The following AARD variants were observed in gnomAD, a reference collection of about 807,000 sequenced individuals.
AARD encodes alanine and arginine rich domain containing protein.
In AARD, 9 loss-of-function variants were observed where a neutral mutation model predicts 9.3. The observed-to-expected ratio is 0.97, with a 90% CI of 0.58 to 1.69. AARD has a LOEUF of 1.69. Among genes scored for constraint, AARD ranks in the 40% most tolerant of loss-of-function variants. The pLI, the probability that AARD is intolerant of heterozygous loss-of-function variation, is 0.00. For synonymous variants in AARD, 91 were observed against 93.8 expected (o/e 0.97, Z 0.17); for missense variants, 236 against 210.3 (o/e 1.12, Z -0.76).
In AARD at chr8:116,939,059, C is replaced by T. The variant is rs16889287; in HGVS notation, c.324+492C>T. Among the ~76,000 whole-genome samples the T allele has an allele frequency of 5.9e-3, 903 of 152,052 alleles. 11 individuals carry two copies. Among genetic ancestry groups the T allele is most frequent in the African/African-American group, 0.021 (874 of 41,462 alleles). ...TTTCGAACATTACACAGGTTACATC[C>T]GAATATTAAACAGGAGGGTGTATAG... On this transcript the variant is annotated intron_variant, in intron 1 of 1. Transcript: ENST00000378279.
intron 1 of AARD, among the ~76,000 whole-genome samples, chr8:116,942,273 T>C (rs959049029): frequency 2.0e-5 from 3 of 152,194 alleles, no homozygotes; most frequent in African/African-American, 7.2e-5. Context: ...CTTCGGTGCA[T>C]AGGTATTTTT....
rs574972421 is a variant in AARD at position 116,942,786 on chromosome 8, G to A, written c.*85G>A. On this transcript the variant is annotated 3_prime_UTR_variant, in exon 2 of 2. Transcript: ENST00000378279. Reference sequence around the variant, plus strand: ...GAGGCCGAGGCGGGCGGATCAAGACGTCAGGAGATTGAGACCATCCTGGCT... The same window carrying A: ...GAGGCCGAGGCGGGCGGATCAAGACATCAGGAGATTGAGACCATCCTGGCT... 5.1e-5 allele frequency: 70 copies of A among 1,379,070 alleles called. No homozygotes were observed. The African/African-American group carries it at 5.9e-4, about 12-fold the overall frequency. 85.4% of individuals were successfully genotyped at this position (1,379,070 alleles called of 1,614,324 possible).
chr8:116,942,711 C>T lies in AARD; in HGVS notation c.*10C>T, dbSNP rs1441316960. On this transcript the variant is annotated 3_prime_UTR_variant, in exon 2 of 2. Transcript: ENST00000378279. The stretch of plus-strand genomic sequence containing the variant: ...TGCGAATCCGGAATAAAGAAATGCA[C>T]ACGCAAGGGCTGGGCGCGGTGGCTC... The T allele has an allele frequency of 1.2e-6, 2 of 1,611,712 alleles. No homozygotes were observed. Among genetic ancestry groups the T allele is most frequent in the African/African-American group, 1.3e-5 (1 of 75,016 alleles).
At chr8:116,941,735 C>T (rs1446241257) in intron 1 of AARD, among the ~76,000 whole-genome samples, 1 of 152,156 alleles carries the variant, frequency 6.6e-6, no homozygotes, top group Admixed American at 6.5e-5. Context: ...AACACACTGT[C>T]CTGGTTCATC....
At chr8:116,939,739 A>G (rs1009842616) in intron 1 of AARD, among the ~76,000 whole-genome samples, 5 of 152,382 alleles carry the variant, frequency 3.3e-5, no homozygotes, top group African/African-American at 9.6e-5. Context: ...AACAATGTCA[A>G]AGAAACACCT....
chr8:116,940,731 C>G (rs1368892647), intron 1 of AARD, among the ~76,000 whole-genome samples: 1 of 152,066 alleles, frequency 6.6e-6, no homozygotes, highest in Non-Finnish European at 1.5e-5. Context: ...TATTGTTTGA[C>G]TGGGTTTTCT....
intron 1 of AARD, 108 bp from the exon 2 acceptor site, chr8:116,942,450 T>C: frequency 9.9e-7 from 1 of 1,009,404 alleles, no homozygotes; most frequent in Non-Finnish European, 1.4e-6. Context: ...CCTTGATATC[T>C]TATTTTCTTT....
intron 1 of AARD, among the ~76,000 whole-genome samples, chr8:116,941,522 T>G (rs1170546640): frequency 2.0e-5 from 3 of 152,162 alleles, no homozygotes; most frequent in Admixed American, 6.5e-5. Flanking sequence ...GCAAGGGTTT[T>G]TTGTTGTGGT....
chr8:116,938,853 A>G (rs16889284), intron 1 of AARD, among the ~76,000 whole-genome samples: 3,231 of 152,296 alleles, frequency 0.021, 100 homozygotes, highest in African/African-American at 0.074. Flanking sequence ...GGGAACTGTG[A>G]CTATGTGTAT....
chr8:116,942,642 G>A lies in AARD; in HGVS notation c.409G>A (p.Glu137Lys). 1 of 1,613,958 alleles carries A rather than the reference G, an allele frequency of 6.2e-7. No individual in the cohort carries two copies. Among genetic ancestry groups the A allele is most frequent in the Non-Finnish European group, 8.5e-7 (1 of 1,179,980 alleles). The change falls in exon 2 of 2, where the codon GAA becomes AAA. Residue 137 changes from glutamate to lysine, a missense_variant. Glu to Lys is a moderately conservative substitution (Grantham distance 56, BLOSUM62 1). Transcript: ENST00000378279. Reference protein sequence around the residue: ...MKVQQLKKEYELEITSDSQSP... With the variant: ...MKVQQLKKEYKLEITSDSQSP... ...AGTGCAGCAATTGAAAAAGGAGTAT[G>A]AACTGGAAATTACATCAGACTCCCA...
intron 1 of AARD, among the ~76,000 whole-genome samples, chr8:116,942,194 C>T (rs1315594258): frequency 6.6e-6 from 1 of 152,162 alleles, no homozygotes; most frequent in East Asian, 1.9e-4. Context: ...GGCAGTTATC[C>T]TGTGGCTCAG....
intron 1 of AARD, among the ~76,000 whole-genome samples, chr8:116,938,919 G>A (rs1382530421): frequency 2.0e-5 from 3 of 152,200 alleles, no homozygotes; most frequent in Non-Finnish European, 4.4e-5. Flanking sequence ...TGCGATTGAT[G>A]GAGTGTGTCC....
In AARD at chr8:116,942,937, T is replaced by TTGCAGTGA. The variant is rs1037856836; in HGVS notation, c.*237_*244dup. The TTGCAGTGA allele has an allele frequency of 4.3e-6, 1 of 233,150 alleles. No homozygotes were observed. The highest frequency in any genetic ancestry group is 8.2e-6 in the Non-Finnish European group (1 of 122,324). 14.4% of individuals were successfully genotyped at this position (233,150 alleles called of 1,614,324 possible). ...ATGGCGTGAACCCAGGAGACAGAGCTTGCAGTGAGCCGAAATCCTGCCACT... is the reference window on the plus strand; with the variant it reads ...ATGGCGTGAACCCAGGAGACAGAGCTTGCAGTGATGCAGTGAGCCGAAATCCTGCCACT... On this transcript the variant is annotated 3_prime_UTR_variant, in exon 2 of 2. Coordinates refer to ENST00000378279, the MANE Select transcript of AARD (RefSeq NM_001025357.3).
intron 1 of AARD, among the ~76,000 whole-genome samples, chr8:116,940,901 A>G (rs542635759): frequency 6.6e-6 from 1 of 152,326 alleles, no homozygotes; most frequent in East Asian, 1.9e-4. Flanking sequence ...AAGAAAAGTT[A>G]AAGAACCATT....
intron 1 of AARD, among the ~76,000 whole-genome samples, chr8:116,942,209 C>T (rs970246939): frequency 7.9e-5 from 12 of 152,216 alleles, no homozygotes; most frequent in East Asian, 1.9e-4. Flanking sequence ...GCTCAGAAGG[C>T]GCATAAAGAT....
chr8:116,938,776 C>G (rs1478784075), intron 1 of AARD: 1 of 670,392 alleles, frequency 1.5e-6, no homozygotes, highest in Non-Finnish European at 2.2e-6. Flanking sequence ...GCGGGGGTGC[C>G]TGGTCTACCA....
intron 1 of AARD, among the ~76,000 whole-genome samples, chr8:116,941,645 C>T (rs1813746719): frequency 6.6e-6 from 1 of 152,148 alleles, no homozygotes; most frequent in Non-Finnish European, 1.5e-5. Flanking sequence ...AGAGGAATGT[C>T]TCAGAGAAAA....
At position 116,943,904 on chromosome 8, in the gene AARD, G is replaced by A. The variant is rs926461549; in HGVS notation, c.*1203G>A. The A allele has an allele frequency of 6.6e-6, 1 of 152,130 alleles. No individual in the cohort carries two copies. Among genetic ancestry groups the A allele is most frequent in the Non-Finnish European group, 1.5e-5 (1 of 68,028 alleles). 9.4% of individuals were successfully genotyped at this position (152,130 alleles called of 1,614,324 possible). On this transcript the variant is annotated 3_prime_UTR_variant, in exon 2 of 2. Transcript: ENST00000378279. Reference sequence around the variant, plus strand: ...GTTGTTCAGTTTTAGGAGTTAAAATGGTTCTTACTGTTGAATTGGACTATC... The same window carrying A: ...GTTGTTCAGTTTTAGGAGTTAAAATAGTTCTTACTGTTGAATTGGACTATC...
In AARD at chr8:116,938,372, G is replaced by C; in HGVS notation, c.129G>C (p.Thr43=). 2 of 1,612,678 alleles carry C rather than the reference G, an allele frequency of 1.2e-6. No homozygotes were observed. The highest frequency in any genetic ancestry group is 1.7e-6 in the Non-Finnish European group (2 of 1,179,870). Residue 43 remains threonine (T), a synonymous_variant, in exon 1 of 2, where the codon ACG becomes ACC. Coordinates refer to ENST00000378279, the MANE Select transcript of AARD (RefSeq NM_001025357.3). The part of the protein sequence containing the change: ...ACDFFGDGRS[T]DIQEEALAAS... ...ACTTCTTCGGGGACGGCAGGAGCAC[G>C]GACATCCAGGAGGAGGCCCTCGCCG...
Sources: allele counts gnomAD v4.1 joint callset (sites outside exome capture counted in the v4.1 genomes callset), GRCh38; gene constraint gnomAD v4.1.1; transcripts MANE v1.5; gene names NCBI Gene and HGNC (gene_info 2026-07-23, HGNC 2026-07-21).